Variants in SGCZ observed in about 807,000 individuals in gnomAD.
The protein encoded by SGCZ is zeta-sarcoglycan.
Under a neutral mutation model 41.3 loss-of-function variants are expected in SGCZ, and 40 were observed. That is an observed-to-expected ratio of 0.97 (90% confidence interval 0.75 to 1.26). The LOEUF is 1.26. Among genes scored for constraint, SGCZ ranks in the 50% most tolerant of loss-of-function variants. The pLI is 0.00. For missense variants in SGCZ, 552 were observed against 369.8 expected (o/e 1.49, Z -4.04); for synonymous variants, 206 against 137.5 (o/e 1.50, Z -3.49).
intron 1 of SGCZ, among the ~76,000 whole-genome samples, chr8:15,008,089 C>T (rs1802671848): frequency 6.6e-6 from 1 of 152,090 alleles, no homozygotes; most frequent in Admixed American, 6.5e-5. Flanking sequence ...TGTAAAAGAT[C>T]TTTAGTCTAA....
chr8:14,199,858 A>T (rs1238425227), intron 4 of SGCZ, among the ~76,000 whole-genome samples: 4 of 152,228 alleles, frequency 2.6e-5, no homozygotes, highest in African/African-American at 9.6e-5. Context: ...AAGATCTAAG[A>T]TCTTAAGAAC....
At chr8:14,721,956 T>C (rs528692794) in intron 1 of SGCZ, among the ~76,000 whole-genome samples, 35 of 152,300 alleles carry the variant, frequency 2.3e-4, no homozygotes, top group Middle Eastern at 3.4e-3. Context: ...TTTTTCTCAC[T>C]GGCCCTTCTG....
At chr8:15,199,589 G>A (rs142692657) in intron 1 of SGCZ, among the ~76,000 whole-genome samples, 268 of 152,192 alleles carry the variant, frequency 1.8e-3, no homozygotes, top group African/African-American at 5.7e-3. Flanking sequence ...CGGTTAGAAA[G>A]TAAATTAATA....
rs1034870132 is a variant in SGCZ at position 14,265,129 on chromosome 8, C to G, written c.337-27450G>C. On this transcript the variant is annotated intron_variant, in intron 3 of 7. Transcript: ENST00000382080. ...AACAGACAAAATAAGGCACCAGAGA[C>G]CAACCCTAAAGTGATGGAGATGTGT... Among the ~76,000 whole-genome samples the G allele has an allele frequency of 5.9e-5, 9 of 152,246 alleles. No individual in the cohort carries two copies. The South Asian group carries it at 6.2e-4, about 11-fold the overall frequency.
chr8:14,445,726 G>A (rs1043716599), intron 2 of SGCZ, among the ~76,000 whole-genome samples: 6 of 152,182 alleles, frequency 3.9e-5, no homozygotes, highest in African/African-American at 1.4e-4. Flanking sequence ...GTCACTGGCA[G>A]AGGGCAGCCT....
intron 4 of SGCZ, among the ~76,000 whole-genome samples, chr8:14,192,934 A>T (rs1015698227): frequency 1.3e-5 from 2 of 152,070 alleles, no homozygotes; most frequent in African/African-American, 4.8e-5. Context: ...ATGTCCGTGT[A>T]TATTCAAAGG....
intron 1 of SGCZ, among the ~76,000 whole-genome samples, chr8:14,726,340 A>ATATATATG (rs1810056399): frequency 6.9e-6 from 1 of 145,658 alleles, no homozygotes; most frequent in Non-Finnish European, 1.5e-5. Context: ...ATATATATAT[A>ATATATATG]TAAAATTAGA....
chr8:14,678,937 T>C (rs939306857), intron 1 of SGCZ, among the ~76,000 whole-genome samples: 16 of 152,302 alleles, frequency 1.1e-4, no homozygotes, highest in Middle Eastern at 3.4e-3. Flanking sequence ...CTGAAAAGCC[T>C]ACATACTGTA....
intron 2 of SGCZ, among the ~76,000 whole-genome samples, chr8:14,520,816 T>C (rs1802766013): frequency 6.6e-6 from 1 of 152,120 alleles, no homozygotes; most frequent in African/African-American, 2.4e-5. Flanking sequence ...ATATTTAAAA[T>C]GAGAGAGCAT....
chr8:15,086,923 C>T (rs1805969627), intron 1 of SGCZ, among the ~76,000 whole-genome samples: 1 of 152,076 alleles, frequency 6.6e-6, no homozygotes, highest in African/African-American at 2.4e-5. Flanking sequence ...AGAAGGCATC[C>T]TTTTCATTGA....
intron 1 of SGCZ, among the ~76,000 whole-genome samples, chr8:14,920,464 G>T (rs911038215): frequency 1.3e-5 from 2 of 151,868 alleles, no homozygotes; most frequent in African/African-American, 4.8e-5. Flanking sequence ...AATGGAGTTG[G>T]GATAATAAAA....
chr8:15,093,464 T>G (rs1806224940), intron 1 of SGCZ, among the ~76,000 whole-genome samples: 1 of 152,222 alleles, frequency 6.6e-6, no homozygotes, highest in South Asian at 2.1e-4. Flanking sequence ...AGTGATAATT[T>G]TGTAGTATAA....
rs76586033 is a variant in SGCZ at position 14,262,015 on chromosome 8, G to A, written c.337-24336C>T. ...CCAACTCCTACTCTAAGCAATTTAA[G>A]CACGACAAAATAGGCACTAATCAGA... On this transcript the variant is annotated intron_variant, in intron 3 of 7. Transcript: ENST00000382080. Among the ~76,000 whole-genome samples, 1,014 of 152,204 alleles carry A rather than the reference G, an allele frequency of 6.7e-3. 33 individuals carry two copies. The highest frequency in any genetic ancestry group is 0.051 in the Admixed American group (774 of 15,280).
At chr8:14,501,993 A>G (rs1488334521) in intron 2 of SGCZ, among the ~76,000 whole-genome samples, 1 of 152,148 alleles carries the variant, frequency 6.6e-6, no homozygotes, top group African/African-American at 2.4e-5. Flanking sequence ...TGACAGGATT[A>G]GTTTGGGTAC....
At chr8:14,557,205 T>C (rs192472809) in intron 1 of SGCZ, among the ~76,000 whole-genome samples, 341 of 152,178 alleles carry the variant, frequency 2.2e-3, no homozygotes, top group Non-Finnish European at 4.2e-3. Flanking sequence ...CATTTTTTCA[T>C]GTGTTTATTG....
At chr8:14,170,509 G>A (rs1327466437) in intron 4 of SGCZ, among the ~76,000 whole-genome samples, 2 of 152,024 alleles carry the variant, frequency 1.3e-5, no homozygotes, top group South Asian at 2.1e-4. Flanking sequence ...CCTGGGCCTG[G>A]CCTCTATGAA....
intron 2 of SGCZ, among the ~76,000 whole-genome samples, chr8:14,532,245 GA>G (rs34660083): frequency 0.36 from 54,665 of 151,268 alleles, 10,463 homozygotes; most frequent in East Asian, 0.49. Flanking sequence ...CCCAGAATCT[GA>G]AAAAAAAATT....
intron 5 of SGCZ, among the ~76,000 whole-genome samples, chr8:14,151,408 A>G (rs1444946865): frequency 6.6e-6 from 1 of 151,928 alleles, no homozygotes; most frequent in Non-Finnish European, 1.5e-5. Flanking sequence ...TTTATGCTGA[A>G]GTTTAAAAAT....
In SGCZ at chr8:14,378,548, T is replaced by A. The variant is rs544319000; in HGVS notation, c.235-54344A>T. On this transcript the variant is annotated intron_variant, in intron 2 of 7. Transcript: ENST00000382080. ...CTACTCATCTGACAAAGGGCTAATA[T>A]CCAGAATCTACAATGAACTCAAACA... Among the ~76,000 whole-genome samples, 3 of 152,050 alleles carry A rather than the reference T, an allele frequency of 2.0e-5. 1 individual carries two copies. In the South Asian group the frequency reaches 6.2e-4, roughly 32 times the overall value.
Sources: gnomAD v4.1 joint callset for allele counts (sites outside exome capture counted in the v4.1 genomes callset) on GRCh38, gnomAD v4.1.1 for gene constraint, MANE v1.5 for transcripts, NCBI Gene and HGNC (gene_info 2026-07-23, HGNC 2026-07-21) for gene names.